Variants in ADARB2 observed in about 807,000 individuals in gnomAD.
ADARB2 encodes the protein inactive double-stranded RNA-specific editase B2.
A neutral mutation model predicts 62.2 loss-of-function variants in ADARB2; 25 were observed. The ratio of observed to expected loss-of-function variants is 0.40; its 90% CI spans 0.29 to 0.56. ADARB2 has a LOEUF of 0.56. Ranked by LOEUF, ADARB2 falls within the 20% of genes least tolerant of loss-of-function variation. The pLI is 0.43. For missense variants in ADARB2, 1,071 were observed against 1,077.4 expected (o/e 0.99, Z 0.08); for synonymous variants, 572 against 500.8 (o/e 1.14, Z -1.90).
In ADARB2 at chr10:1,326,780, CCTCACTG is replaced by C. The variant is rs1831852650; in HGVS notation, c.1077+36241_1077+36247del. ...CGGCGCCTCTGGTAGCACAGCCCCT[CCTCACTG>C]CCCAGCGCCTCCCCACGGCCCAGCG... is the stretch of plus-strand genomic sequence containing the variant. On this transcript the variant is annotated intron_variant, in intron 3 of 9. Transcript: ENST00000381312. 6.6e-5 allele frequency among the ~76,000 whole-genome samples: 5 copies of C among 75,260 alleles called. 1 individual carries two copies. Among genetic ancestry groups the C allele is most frequent in the Admixed American group, 6.3e-4 (4 of 6,334 alleles). The allele number at this position is 75,260 out of a possible 152,430, so 49.4% of individuals were successfully genotyped here.
chr10:1,281,677 G>T (rs533591928), intron 3 of ADARB2, among the ~76,000 whole-genome samples: 1 of 152,220 alleles, frequency 6.6e-6, no homozygotes, highest in African/African-American at 2.4e-5. Context: ...CTCAGGGACC[G>T]CAGGGCTGCA....
chr10:1,490,397 T>C (rs1237574055), intron 1 of ADARB2, among the ~76,000 whole-genome samples: 1 of 152,212 alleles, frequency 6.6e-6, no homozygotes, highest in Non-Finnish European at 1.5e-5. Flanking sequence ...TTAATTCAAA[T>C]GACCACTGAA....
intron 8 of ADARB2, among the ~76,000 whole-genome samples, chr10:1,185,761 G>A (rs1018972949): frequency 6.6e-6 from 1 of 152,190 alleles, no homozygotes; most frequent in East Asian, 1.9e-4. Context: ...AGAGAGAGCC[G>A]GCATCTTCAG....
Position 1,214,377 on chromosome 10 carries a change from GCC to G in ADARB2, c.1682+2572_1682+2573del, listed in dbSNP as rs1491287213. ...CGGCGTCGCATGGGTTTGCACCTGT[GCC>G]TGGACCTGCCAGCGTTGCGTGGGTT... On this transcript the variant is annotated intron_variant, in intron 7 of 9. Coordinates refer to ENST00000381312, the MANE Select transcript of ADARB2 (RefSeq NM_018702.4). Among the ~76,000 whole-genome samples, 769 of 80,366 alleles carry G rather than the reference GCC, an allele frequency of 9.6e-3. 1 individual carries two copies. Among genetic ancestry groups the G allele is most frequent in the African/African-American group, 0.012 (210 of 17,870 alleles). 52.7% of individuals were successfully genotyped at this position (80,366 alleles called of 152,430 possible).
intron 1 of ADARB2, among the ~76,000 whole-genome samples, chr10:1,645,439 GAAGT>G (rs1443180049): frequency 2.0e-5 from 3 of 152,206 alleles, no homozygotes; most frequent in Non-Finnish European, 2.9e-5. Flanking sequence ...TTGCCTAGCA[GAAGT>G]AAGGGGGATG....
chr10:1,654,228 A>G lies in ADARB2; in HGVS notation c.100+82823T>C, dbSNP rs914396659. Among the ~76,000 whole-genome samples, 8 of 152,140 alleles carry G rather than the reference A, an allele frequency of 5.3e-5. 1 individual carries two copies. Among genetic ancestry groups the G allele is most frequent in the Admixed American group, 2.6e-4 (4 of 15,284 alleles). ...CAGTAGCAACCTGAGGTGATCATGTAGTTTTCTGGTTGCCTGAGGCTTGCA... is the reference window on the plus strand; with the variant it reads ...CAGTAGCAACCTGAGGTGATCATGTGGTTTTCTGGTTGCCTGAGGCTTGCA... On this transcript the variant is annotated intron_variant, in intron 1 of 9. Transcript: ENST00000381312.
chr10:1,481,818 C>T (rs533311144), intron 1 of ADARB2, among the ~76,000 whole-genome samples: 2 of 146,640 alleles, frequency 1.4e-5, no homozygotes, highest in Admixed American at 7.0e-5. Flanking sequence ...GATTGTGCCA[C>T]TGCACTCCAG....
At position 1,550,526 on chromosome 10, in the gene ADARB2, G is replaced by A. The variant is rs544643368; in HGVS notation, c.101-171366C>T. 5.8e-4 allele frequency among the ~76,000 whole-genome samples: 89 copies of A among 152,328 alleles called. 2 individuals are homozygous for A. The South Asian group carries it at 0.017, about 29-fold the overall frequency. On this transcript the variant is annotated intron_variant, in intron 1 of 9. Coordinates refer to ENST00000381312, the MANE Select transcript of ADARB2 (RefSeq NM_018702.4). ...TAATGACGCTCTCTAGTTGATGAAA[G>A]CCGATGGCCCACATGGCCCAATTTA...
rs1832375678 is a variant in ADARB2, at chr10:1,539,085, C to T, written c.101-159925G>A. Among the ~76,000 whole-genome samples the T allele has an allele frequency of 2.0e-5, 3 of 152,186 alleles. 1 individual carries two copies. The highest frequency in any genetic ancestry group is 4.1e-4 in the South Asian group (2 of 4,824). ...CTCTGCATCCTACAGCCAGAGTTTCCTCTAGGAGACTGTAGCGGAGGGGAG... is the reference window on the plus strand; with the variant it reads ...CTCTGCATCCTACAGCCAGAGTTTCTTCTAGGAGACTGTAGCGGAGGGGAG... On this transcript the variant is annotated intron_variant, in intron 1 of 9. Coordinates refer to ENST00000381312, the MANE Select transcript of ADARB2 (RefSeq NM_018702.4).
chr10:1,471,889 C>T (rs1402368769), intron 1 of ADARB2, among the ~76,000 whole-genome samples: 2 of 152,180 alleles, frequency 1.3e-5, no homozygotes, highest in Non-Finnish European at 2.9e-5. Context: ...CTTGTCTCAC[C>T]CTCCACATCC....
rs556555065 is a variant in ADARB2, at chr10:1,494,288, C to T, written c.101-115128G>A. Among the ~76,000 whole-genome samples, 322 of 152,258 alleles carry T rather than the reference C, an allele frequency of 2.1e-3. 1 individual carries two copies. Among genetic ancestry groups the T allele is most frequent in the Non-Finnish European group, 3.5e-3 (241 of 68,030 alleles). On this transcript the variant is annotated intron_variant, in intron 1 of 9. Transcript: ENST00000381312. ...AATATCCATGTCTCCTGAGAGGCAG[C>T]TTTGGGTCTGAGGTCAATCAACTAC...
intron 1 of ADARB2, among the ~76,000 whole-genome samples, chr10:1,688,155 A>G (rs1057294889): frequency 2.0e-5 from 3 of 152,210 alleles, no homozygotes; most frequent in African/African-American, 7.2e-5. Context: ...GTATTTTTGG[A>G]CATAAACAGC....
chr10:1,317,421 G>A lies in ADARB2; in HGVS notation c.1077+45607C>T, dbSNP rs554838633. Among the ~76,000 whole-genome samples, 9 of 152,232 alleles carry A rather than the reference G, an allele frequency of 5.9e-5. No homozygotes were observed. In the South Asian group the frequency reaches 1.7e-3, roughly 28 times the overall value. ...CGATTGTCTTCGTAAGTTGTTGTAC[G>A]GATTTTTCTAGAACACTGAGGGTTT... On this transcript the variant is annotated intron_variant, in intron 3 of 9. Coordinates refer to ENST00000381312, the MANE Select transcript of ADARB2 (RefSeq NM_018702.4).
intron 1 of ADARB2, among the ~76,000 whole-genome samples, chr10:1,716,953 C>G (rs1250202498): frequency 6.6e-6 from 1 of 152,144 alleles, no homozygotes; most frequent in Non-Finnish European, 1.5e-5. Flanking sequence ...GGGCTAAAGG[C>G]ACTCCTAAAA....
At chr10:1,313,730 C>T (rs1238258113) in intron 3 of ADARB2, among the ~76,000 whole-genome samples, 1 of 152,218 alleles carries the variant, frequency 6.6e-6, no homozygotes, top group Non-Finnish European at 1.5e-5. Flanking sequence ...CCTGCACACC[C>T]ATCCGAGTTA....
At position 1,350,095 on chromosome 10, in the gene ADARB2, A is replaced by G. The variant is rs529770815; in HGVS notation, c.1077+12933T>C. Among the ~76,000 whole-genome samples, 8 of 152,296 alleles carry G rather than the reference A, an allele frequency of 5.3e-5. 1 individual carries two copies. In the South Asian group the frequency reaches 1.7e-3, roughly 32 times the overall value. ...TCTAAGCGTCTTATTTTCTTCTGCA[A>G]CACCACTTGGCCCCAGTACAAACTT... On this transcript the variant is annotated intron_variant, in intron 3 of 9. Transcript: ENST00000381312.
At chr10:1,651,388 C>T (rs907178669) in intron 1 of ADARB2, among the ~76,000 whole-genome samples, 2 of 152,214 alleles carry the variant, frequency 1.3e-5, no homozygotes, top group Non-Finnish European at 1.5e-5. Context: ...GGGCAGGCCG[C>T]CCTCCCTGGT....
chr10:1,328,863 G>C (rs557680757), intron 3 of ADARB2, among the ~76,000 whole-genome samples: 23 of 152,100 alleles, frequency 1.5e-4, no homozygotes, highest in African/African-American at 5.1e-4. Context: ...ATGGTGGTGT[G>C]TGTCTGCAGT....
At chr10:1,702,116 A>G (rs1316833677) in intron 1 of ADARB2, among the ~76,000 whole-genome samples, 1 of 152,238 alleles carries the variant, frequency 6.6e-6, no homozygotes, top group African/African-American at 2.4e-5. Context: ...TCCTTTCTGT[A>G]TGTGACCAGG....
Sources: gnomAD v4.1 joint callset for allele counts (sites outside exome capture counted in the v4.1 genomes callset) on GRCh38, gnomAD v4.1.1 for gene constraint, MANE v1.5 for transcripts, NCBI Gene and HGNC (gene_info 2026-07-23, HGNC 2026-07-21) for gene names.